PITPNM3: variants seen among roughly 807,000 people sequenced by gnomAD.
PITPNM3 encodes the protein membrane-associated phosphatidylinositol transfer protein 3.
PITPNM3 carries 26 observed loss-of-function variants against 102.0 expected under a neutral mutation model. That is an observed-to-expected ratio of 0.25 (90% confidence interval 0.19 to 0.35). The LOEUF (loss-of-function observed/expected upper bound fraction) is 0.35. Ranked by LOEUF, PITPNM3 falls within the 10% of genes least tolerant of loss-of-function variation. The probability of loss-of-function intolerance (pLI) is 1.00; values close to 1 mark genes in which losing one functional copy is unlikely to be tolerated. For missense variants in PITPNM3, 1,083 were observed against 1,346.1 expected, an observed-to-expected ratio of 0.80 and a Z score of 3.06; for synonymous variants, 578 against 558.6, an observed-to-expected ratio of 1.03 and a Z score of -0.49.
chr17:6,516,102 A>T (rs1048546359), intron 3 of PITPNM3, among the ~76,000 whole-genome samples: 4 of 152,038 alleles, frequency 2.6e-5, no homozygotes, highest in Non-Finnish European at 5.9e-5. Flanking sequence ...CCAATCTCTA[A>T]AAACAAAACA....
intron 4 of PITPNM3, among the ~76,000 whole-genome samples, chr17:6,485,134 T>C (rs1330034235): frequency 6.6e-6 from 1 of 151,778 alleles, no homozygotes; most frequent in Non-Finnish European, 1.5e-5. Context: ...CAGTCCCTCA[T>C]AATAAGTCTC....
intron 4 of PITPNM3, among the ~76,000 whole-genome samples, chr17:6,488,963 C>T (rs1049439394): frequency 2.0e-5 from 3 of 152,172 alleles, no homozygotes; most frequent in South Asian, 2.1e-4. Flanking sequence ...GGCCAGCTAC[C>T]GCAGTGCCAG....
At chr17:6,463,274 G>A (rs1904564274) in intron 17 of PITPNM3, among the ~76,000 whole-genome samples, 1 of 152,092 alleles carries the variant, frequency 6.6e-6, no homozygotes, top group Admixed American at 6.5e-5. Context: ...GGAGTCCTGG[G>A]TTACAGTTTC....
chr17:6,465,954 C>G (rs891689385), intron 14 of PITPNM3, among the ~76,000 whole-genome samples: 1 of 152,228 alleles, frequency 6.6e-6, no homozygotes, highest in African/African-American at 2.4e-5. Context: ...TGCAACAGAT[C>G]CTCTGTCTCT....
Position 6,478,775 on chromosome 17 carries a change from G to A in PITPNM3, c.588-39C>T, listed in dbSNP as rs140519375. ...GCCCAAGGTGAGCCCAGCCAGGATC[G>A]GGCAGGTTGGCAGGTTTGGGGCTGA... On this transcript the variant is annotated intron_variant, in intron 6 of 19. Transcript: ENST00000262483. This position sits in a 1 kb window ranked among gnomAD's most constrained non-coding sequence, Gnocchi z 4.4. 3.7e-4 allele frequency: 570 copies of A among 1,526,676 alleles called. 4 individuals carry two copies. In the African/African-American group the frequency reaches 5.8e-3, roughly 16 times the overall value. The allele number at this position is 1,526,676 out of a possible 1,614,324, so 94.6% of individuals were successfully genotyped here.
At chr17:6,527,779 A>T (rs117735917) in intron 2 of PITPNM3, among the ~76,000 whole-genome samples, 1 of 152,224 alleles carries the variant, frequency 6.6e-6, no homozygotes, top group African/African-American at 2.4e-5. Context: ...GAAAAACATG[A>T]TAGAAATACC....
rs1905128592 is a variant in PITPNM3 at position 6,472,819 on chromosome 17, C to T, written c.1267G>A (p.Val423Met). Residue 423 changes from valine (V) to methionine (M), a missense_variant, in exon 11 of 20, where the codon GTG becomes ATG. Physicochemically the swap from Val to Met is conservative, Grantham distance 21. Coordinates refer to ENST00000262483, the MANE Select transcript of PITPNM3 (RefSeq NM_031220.4). The surrounding 1 kb of genome is among the most constrained non-coding windows in gnomAD (Gnocchi z 4.1). The stretch of plus-strand genomic sequence containing the variant: ...TAGACCTGGCTGCAGGCAGGACGCA[C>T]CTGGAAGCCTGGGGTGAGTGGGAAG... ...TVLPGLDGFQ[V>M]RPACSQVYSF... 2 of 1,614,020 alleles carry T rather than the reference C, an allele frequency of 1.2e-6. No individual in the cohort carries two copies. The highest frequency in any genetic ancestry group is 1.7e-6 in the Non-Finnish European group (2 of 1,179,970).
At chr17:6,549,769 C>G (rs565756649) in intron 1 of PITPNM3, among the ~76,000 whole-genome samples, 1 of 152,164 alleles carries the variant, frequency 6.6e-6, no homozygotes, top group Non-Finnish European at 1.5e-5. Flanking sequence ...GATTTCCAAA[C>G]TCATTTGTTA....
chr17:6,495,095 T>TA (rs1457694918), intron 4 of PITPNM3, among the ~76,000 whole-genome samples: 1 of 152,162 alleles, frequency 6.6e-6, no homozygotes, highest in Non-Finnish European at 1.5e-5. Context: ...TATTTATGGA[T>TA]AGACTCTTGT....
chr17:6,482,010 C>G (rs1006501506), intron 6 of PITPNM3, among the ~76,000 whole-genome samples: 1 of 102,164 alleles, frequency 9.8e-6, no homozygotes, highest in Non-Finnish European at 2.0e-5. Flanking sequence ...CTCTCTCTCT[C>G]TCTCTCTCTC....
intron 1 of PITPNM3, among the ~76,000 whole-genome samples, chr17:6,549,498 A>G (rs572342632): frequency 3.5e-4 from 54 of 152,266 alleles, no homozygotes; most frequent in African/African-American, 1.3e-3. Context: ...TCATGGACAG[A>G]GGAGGCTTCT....
rs1430000559 is a variant in PITPNM3, at chr17:6,461,399, T to A, written c.2464A>T (p.Ile822Phe). ...TCCTGCATGAGGTTGCGCAGGAAGATGGCCTTCTGCCGCAGCGGGTCATGC... is the reference window on the plus strand; with the variant it reads ...TCCTGCATGAGGTTGCGCAGGAAGAAGGCCTTCTGCCGCAGCGGGTCATGC... ...LVHDPLRQKA[I>F]FLRNLMQECF... Residue 822 changes from isoleucine to phenylalanine, a missense_variant, in exon 18 of 20, where the codon ATC (isoleucine) becomes TTC (phenylalanine). Physicochemically the swap from Ile to Phe is conservative, Grantham distance 21 (BLOSUM62 0). Transcript: ENST00000262483. 6.2e-7 allele frequency: 1 copy of A among 1,614,134 alleles called. No homozygotes were observed. The highest frequency in any genetic ancestry group is 8.5e-7 in the Non-Finnish European group (1 of 1,180,038).
intron 3 of PITPNM3, among the ~76,000 whole-genome samples, chr17:6,522,305 C>T (rs1567686847): frequency 1.3e-5 from 2 of 152,112 alleles, no homozygotes; most frequent in East Asian, 1.9e-4. Flanking sequence ...CACACACACA[C>T]ACACACACAG....
At chr17:6,488,786 T>C (rs1906249529) in intron 4 of PITPNM3, among the ~76,000 whole-genome samples, 1 of 152,114 alleles carries the variant, frequency 6.6e-6, no homozygotes, top group East Asian at 1.9e-4. Flanking sequence ...GAGAGCCACA[T>C]AAAGGGGACC....
intron 1 of PITPNM3, among the ~76,000 whole-genome samples, chr17:6,543,921 C>A (rs144840578): frequency 6.6e-6 from 1 of 152,166 alleles, no homozygotes; most frequent in Non-Finnish European, 1.5e-5. Flanking sequence ...CCAAAACAAT[C>A]GAGCCCTTTC....
chr17:6,543,559 G>A (rs1402464873), intron 1 of PITPNM3, among the ~76,000 whole-genome samples: 1 of 152,254 alleles, frequency 6.6e-6, no homozygotes, highest in Admixed American at 6.5e-5. Flanking sequence ...GGTATTGGCC[G>A]ATGCTTACTG....
At chr17:6,486,252 G>A (rs1396155372) in intron 4 of PITPNM3, among the ~76,000 whole-genome samples, 1 of 152,178 alleles carries the variant, frequency 6.6e-6, no homozygotes, top group East Asian at 1.9e-4. Context: ...TTTGTCTTCA[G>A]GGAGGAGGAA....
intron 2 of PITPNM3, among the ~76,000 whole-genome samples, chr17:6,536,566 C>T (rs1419804818): frequency 6.6e-6 from 1 of 152,102 alleles, no homozygotes; most frequent in Non-Finnish European, 1.5e-5. Context: ...GACAGCTCCC[C>T]ACCTCCCAGC....
chr17:6,472,831 GGGTGA>G lies in PITPNM3; in HGVS notation c.1259-9_1259-5del. The G allele has an allele frequency of 6.2e-7, 1 of 1,613,982 alleles. No individual in the cohort carries two copies. The highest frequency in any genetic ancestry group is 8.5e-7 in the Non-Finnish European group (1 of 1,179,954). Reference sequence around the variant, plus strand: ...CAGGCAGGACGCACCTGGAAGCCTGGGGTGAGTGGGAAGACAGAGGGAAGCCACTT... The same window carrying G: ...CAGGCAGGACGCACCTGGAAGCCTGGGTGGGAAGACAGAGGGAAGCCACTT... On this transcript the variant is annotated splice_polypyrimidine_tract_variant and splice_region_variant and intron_variant, in intron 10 of 19. Coordinates refer to ENST00000262483, the MANE Select transcript of PITPNM3 (RefSeq NM_031220.4). This position sits in a 1 kb window ranked among gnomAD's most constrained non-coding sequence, Gnocchi z 4.1.
Sources: gnomAD v4.1 joint callset for allele counts (sites outside exome capture counted in the v4.1 genomes callset) on GRCh38, gnomAD v4.1.1 for gene constraint, Gnocchi (gnomAD v3.1) non-coding constraint, MANE v1.5 for transcripts, NCBI Gene and HGNC (gene_info 2026-07-23, HGNC 2026-07-21) for gene names.